The following USP22 variants were observed in gnomAD, a reference collection of about 807,000 sequenced individuals.
USP22 encodes ubiquitin specific peptidase 22, also known as ubiquitin carboxyl-terminal hydrolase 22.
In USP22, 22 loss-of-function variants were observed where a neutral mutation model predicts 68.1. The observed-to-expected ratio is 0.32, with a 90% confidence interval of 0.23 to 0.46. The LOEUF is 0.46. Among genes scored for constraint, USP22 ranks in the 20% least tolerant of loss-of-function variants. The pLI is 1.00. For synonymous variants in USP22, 279 were observed against 274.2 expected (o/e 1.02, Z -0.17); for missense variants, 433 against 695.8 (o/e 0.62, Z 4.25).
intron 6 of USP22, among the ~76,000 whole-genome samples, chr17:21,013,519 C>CT (rs1480141959): frequency 1.3e-5 from 2 of 152,162 alleles, no homozygotes; most frequent in African/African-American, 4.8e-5. Flanking sequence ...GAAAAAGAAA[C>CT]TTAAGTAGCA....
chr17:21,018,790 GA>G (rs1972119726), intron 4 of USP22, among the ~76,000 whole-genome samples: 2 of 152,262 alleles, frequency 1.3e-5, no homozygotes, highest in South Asian at 4.1e-4. Flanking sequence ...TTCTCTCCCT[GA>G]AGATTACTGT....
chr17:21,035,628 A>G (rs2067361235), intron 1 of USP22, among the ~76,000 whole-genome samples: 1 of 152,220 alleles, frequency 6.6e-6, no homozygotes, highest in African/African-American at 2.4e-5. Context: ...TCAACAGATA[A>G]AGTAGAAGCA....
At position 21,002,953 on chromosome 17, in the gene USP22, A is replaced by G. The variant is rs377713052; in HGVS notation, c.*78T>C. 49 of 1,480,914 alleles carry G rather than the reference A, an allele frequency of 3.3e-5. No individual in the cohort carries two copies. In the African/African-American group the frequency reaches 3.8e-4, roughly 12 times the overall value. 91.7% of individuals were successfully genotyped at this position (1,480,914 alleles called of 1,614,324 possible). ...GGGGAGGCGGCGGGAGACTTGGGGG[A>G]GGGGGGGGCCAGGGAGGATCACTTT... On this transcript the variant is annotated 3_prime_UTR_variant, in exon 13 of 13. Transcript: ENST00000261497.
At chr17:21,012,747 GCA>G (rs1914009781) in intron 7 of USP22, 81 bp downstream of exon 7, 5 of 1,272,864 alleles carry the variant, frequency 3.9e-6, no homozygotes, top group Non-Finnish European at 5.7e-6. Context: ...ACCTCTCAGA[GCA>G]CACACAGCTC....
chr17:21,027,837 G>A (rs1004027646), intron 2 of USP22, among the ~76,000 whole-genome samples: 9 of 152,208 alleles, frequency 5.9e-5, no homozygotes, highest in Middle Eastern at 3.4e-3. Context: ...AGGCGTGGTA[G>A]CAGGCACCTG....
intron 12 of USP22, among the ~76,000 whole-genome samples, chr17:21,003,900 C>CAAAAAA (rs545524182): frequency 4.4e-5 from 5 of 113,892 alleles, no homozygotes; most frequent in East Asian, 3.0e-4. Flanking sequence ...AACTCCGTCT[C>CAAAAAA]AAAAAAAAAA....
chr17:21,000,138 TG>T lies in USP22; in HGVS notation c.*2892del, dbSNP rs1913510094. On this transcript the variant is annotated 3_prime_UTR_variant, in exon 13 of 13. Transcript: ENST00000261497. ...CATTTTAACACTGCTGTGAATGTGC[TG>T]GGGTCACCAAGGGGGCCCCTTAGTG... is the stretch of plus-strand genomic sequence containing the variant. 6.6e-6 allele frequency: 1 copy of T among 152,244 alleles called. No homozygotes were observed. The highest frequency in any genetic ancestry group is 2.4e-5 in the African/African-American group (1 of 41,454). The allele number at this position is 152,244 out of a possible 1,614,324, so 9.4% of individuals were successfully genotyped here. A position where few individuals can be genotyped will look rare whatever the true frequency, so the allele number is the denominator to read the frequency against.
chr17:21,015,957 A>G (rs1368402939), intron 5 of USP22, 58 bp from the exon 6 acceptor site: 26 of 1,568,840 alleles, frequency 1.7e-5, no homozygotes, highest in Non-Finnish European at 2.2e-5. Context: ...CTGAACACAG[A>G]GTACACACAA....
At chr17:21,035,072 C>T (rs916886457) in intron 1 of USP22, among the ~76,000 whole-genome samples, 6 of 152,114 alleles carry the variant, frequency 3.9e-5, no homozygotes, top group Non-Finnish European at 5.9e-5. Flanking sequence ...CACACTTGGA[C>T]GGAAGCAAAC....
intron 1 of USP22, among the ~76,000 whole-genome samples, chr17:21,031,734 A>C (rs888915216): frequency 3.3e-5 from 5 of 149,630 alleles, no homozygotes; most frequent in South Asian, 4.3e-4. Context: ...ATTATAGTCT[A>C]TCTCTACTAC....
At chr17:21,043,305 C>G (rs1972474517), upstream of USP22, 1 of 68,646 alleles carries the variant, frequency 1.5e-5, no homozygotes, top group Non-Finnish European at 3.6e-5. Context: ...GGCCACCCCC[C>G]CCCCCCCCCC....
intron 10 of USP22, among the ~76,000 whole-genome samples, chr17:21,005,479 G>T (rs574219001): frequency 6.6e-6 from 1 of 152,202 alleles, no homozygotes; most frequent in African/African-American, 2.4e-5. Context: ...GGAACAGGAA[G>T]CCATGCACAT....
chr17:21,019,612 G>A (rs2364329), intron 3 of USP22, among the ~76,000 whole-genome samples: 3 of 151,644 alleles, frequency 2.0e-5, no homozygotes, highest in East Asian at 1.9e-4. Context: ...ACTCAGCGTC[G>A]AGTTACCAAA....
chr17:21,004,778 TGCGG>T lies in USP22; in HGVS notation c.1385+146_1385+149del. On this transcript the variant is annotated intron_variant, in intron 11 of 12. Coordinates refer to ENST00000261497, the MANE Select transcript of USP22 (RefSeq NM_015276.2). ...GTGGAGCGGCCTTTCCTAGTGGAGC[TGCGG>T]GCAGCCAATAGTGGAGCTGCGGGCA... 1.4e-4 allele frequency: 12 copies of T among 86,516 alleles called. 3 individuals are homozygous for T. Among genetic ancestry groups the T allele is most frequent in the South Asian group, 4.8e-4 (1 of 2,096 alleles). 5.4% of individuals were successfully genotyped at this position (86,516 alleles called of 1,614,324 possible).
rs372993660 is a variant in USP22, at chr17:21,042,785, C to A, written c.51G>T (p.Ala17=). 338 of 1,487,392 alleles carry A rather than the reference C, an allele frequency of 2.3e-4. 1 individual carries two copies. In the African/African-American group the frequency reaches 3.9e-3, roughly 17 times the overall value. The allele number at this position is 1,487,392 out of a possible 1,614,324, so 92.1% of individuals were successfully genotyped here. ...GGTGCGAGCAGCCCGGCGGCGCTACCGCCAGCTCGGCGTCCATGGCCTCGC... is the reference window on the plus strand; with the variant it reads ...GGTGCGAGCAGCCCGGCGGCGCTACAGCCAGCTCGGCGTCCATGGCCTCGC... The part of the protein sequence containing the change: ...PEGEAMDAEL[A]VAPPGCSHLG... The change falls in exon 1 of 13, where the codon GCG becomes GCT. Residue 17 remains alanine, a synonymous_variant. Coordinates refer to ENST00000261497, the MANE Select transcript of USP22 (RefSeq NM_015276.2).
intron 11 of USP22, 45 bp downstream of exon 11, chr17:21,004,883 C>A: frequency 1.2e-6 from 2 of 1,609,690 alleles, no homozygotes; most frequent in South Asian, 2.2e-5. Context: ...ACCCCCAGCT[C>A]TTGGCCAGAG....
chr17:21,032,421 C>G (rs1972301547), intron 1 of USP22, among the ~76,000 whole-genome samples: 1 of 152,200 alleles, frequency 6.6e-6, no homozygotes, highest in Non-Finnish European at 1.5e-5. Context: ...GAGGCAGACA[C>G]AGGAGTAAGG....
intron 2 of USP22, 151 bp downstream of exon 2, chr17:21,028,391 T>C (rs980190842): frequency 4.7e-6 from 6 of 1,290,214 alleles, no homozygotes; most frequent in African/African-American, 4.4e-5. Flanking sequence ...GGCTTGTCCC[T>C]TTCACTTCCA....
chr17:21,011,369 A>G lies in USP22; in HGVS notation c.945-60T>C, dbSNP rs1913965347. The stretch of plus-strand genomic sequence containing the variant: ...TGACACCCACCCAGCTCCAGAGGCA[A>G]CCCGGGGTGGAAGCCGTTCCCACAT... On this transcript the variant is annotated intron_variant, in intron 7 of 12. Coordinates refer to ENST00000261497, the MANE Select transcript of USP22 (RefSeq NM_015276.2). The G allele has an allele frequency of 2.6e-6, 4 of 1,543,226 alleles. No individual in the cohort carries two copies. The Admixed American group carries it at 6.0e-5, about 23-fold the overall frequency.
Sources: gnomAD v4.1 joint callset for allele counts (sites outside exome capture counted in the v4.1 genomes callset) on GRCh38, gnomAD v4.1.1 for gene constraint, MANE v1.5 for transcripts, NCBI Gene and HGNC (gene_info 2026-07-23, HGNC 2026-07-21) for gene names.